PTPRN2: variants seen among roughly 807,000 people sequenced by gnomAD.
PTPRN2 encodes protein tyrosine phosphatase receptor type N2.
PTPRN2 carries 74 observed loss-of-function variants against 118.8 expected under a neutral mutation model. That is an observed-to-expected ratio of 0.62 (90% CI 0.52 to 0.76). The LOEUF (loss-of-function observed/expected upper bound fraction) is 0.76. PTPRN2 is among the 30% of genes least tolerant of loss of function. The probability of loss-of-function intolerance (pLI) is 0.00; values close to 1 mark genes in which losing one functional copy is unlikely to be tolerated. For missense variants in PTPRN2, 1,481 were observed against 1,394.4 expected, an observed-to-expected ratio of 1.06 and a Z score of -0.99; for synonymous variants, 641 against 608.0, an observed-to-expected ratio of 1.05 and a Z score of -0.80.
intron 3 of PTPRN2, among the ~76,000 whole-genome samples, chr7:158,282,750 C>A (rs190823553): frequency 6.8e-6 from 1 of 147,050 alleles, no homozygotes; most frequent in Non-Finnish European, 1.5e-5. Flanking sequence ...CAGACACAGA[C>A]GGCTCATCCC....
chr7:157,947,949 T>C (rs991053926), intron 11 of PTPRN2, among the ~76,000 whole-genome samples: 2 of 152,218 alleles, frequency 1.3e-5, no homozygotes, highest in African/African-American at 4.8e-5. Context: ...TAATTCTGTA[T>C]CAGGCAAAAC....
chr7:158,166,665 C>A (rs750726041), intron 6 of PTPRN2, among the ~76,000 whole-genome samples: 9 of 152,048 alleles, frequency 5.9e-5, no homozygotes, highest in Non-Finnish European at 1.2e-4. Context: ...AGCGCCTTCT[C>A]CATCCCACTG....
chr7:158,085,147 A>C, intron 10 of PTPRN2, among the ~76,000 whole-genome samples: 1 of 90,220 alleles, frequency 1.1e-5, no homozygotes, highest in Non-Finnish European at 2.2e-5. Flanking sequence ...ACACCCATCC[A>C]CACCCTCGAC....
At chr7:158,307,212 T>A (rs1471999868) in intron 3 of PTPRN2, among the ~76,000 whole-genome samples, 1 of 152,118 alleles carries the variant, frequency 6.6e-6, no homozygotes, top group African/African-American at 2.4e-5. Context: ...AAGAACAATG[T>A]CTAAAGAGCT....
intron 11 of PTPRN2, among the ~76,000 whole-genome samples, chr7:158,020,289 G>C (rs530156823): frequency 6.6e-6 from 1 of 152,352 alleles, no homozygotes; most frequent in South Asian, 2.1e-4. Flanking sequence ...CAGGGAGGGT[G>C]GCCTTGTGCA....
intron 13 of PTPRN2, among the ~76,000 whole-genome samples, chr7:157,667,798 A>G (rs1265504223): frequency 6.6e-6 from 1 of 152,234 alleles, no homozygotes; most frequent in Non-Finnish European, 1.5e-5. Context: ...GTCCGCACCC[A>G]GGCGCAGAAA....
intron 12 of PTPRN2, among the ~76,000 whole-genome samples, chr7:157,852,863 CAAAAAAAA>C (rs58298308): frequency 1.9e-5 from 2 of 102,704 alleles, no homozygotes; most frequent in Non-Finnish European, 3.8e-5. Context: ...GCAAGTCTCT[CAAAAAAAA>C]AAAAAAAAAA....
Position 158,312,006 on chromosome 7 carries a change from C to T in PTPRN2, c.277+4813G>A, listed in dbSNP as rs114992744. On this transcript the variant is annotated intron_variant, in intron 3 of 22. Transcript: ENST00000389418. Reference sequence around the variant, plus strand: ...AGACACCCACACACATGCACACACACCTGCACATTCACATGCTCACGTGTA... The same window carrying T: ...AGACACCCACACACATGCACACACATCTGCACATTCACATGCTCACGTGTA... Among the ~76,000 whole-genome samples the T allele has an allele frequency of 3.5e-3, 524 of 151,820 alleles. 2 individuals carry two copies. Among genetic ancestry groups the T allele is most frequent in the African/African-American group, 0.011 (448 of 41,362 alleles).
At chr7:158,138,555 A>G (rs1220715902) in intron 6 of PTPRN2, 40 bp from the exon 7 acceptor site, 2 of 1,582,534 alleles carry the variant, frequency 1.3e-6, no homozygotes, top group Admixed American at 1.7e-5. Flanking sequence ...TTGTGGGTGG[A>G]CGAATGCAAA....
chr7:157,540,681 T>G lies in PTPRN2; in HGVS notation c.*33A>C. 6.8e-7 allele frequency: 1 copy of G among 1,479,126 alleles called. No individual in the cohort carries two copies. Among genetic ancestry groups the G allele is most frequent in the South Asian group, 1.2e-5 (1 of 82,308 alleles). The allele number at this position is 1,479,126 out of a possible 1,614,324, so 91.6% of individuals were successfully genotyped here. ...ATGATTCCTGACAACATCCGTGGGGTGGGGGCTCCCCTGAGGCCCCTGAGG... is the reference window on the plus strand; with the variant it reads ...ATGATTCCTGACAACATCCGTGGGGGGGGGGCTCCCCTGAGGCCCCTGAGG... On this transcript the variant is annotated 3_prime_UTR_variant, in exon 23 of 23. Transcript: ENST00000389418.
intron 2 of PTPRN2, among the ~76,000 whole-genome samples, chr7:158,471,711 A>AAC (rs930937443): frequency 2.7e-5 from 4 of 149,508 alleles, no homozygotes; most frequent in Non-Finnish European, 5.9e-5. Flanking sequence ...CAAACAAACA[A>AAC]AAAAAAAACC....
chr7:158,226,186 T>C, intron 3 of PTPRN2, among the ~76,000 whole-genome samples: 1 of 152,186 alleles, frequency 6.6e-6, no homozygotes, highest in East Asian at 1.9e-4. Flanking sequence ...TTAAAGATAA[T>C]AGGGAGAAGG....
At chr7:157,630,726 T>G (rs909905964) in intron 14 of PTPRN2, among the ~76,000 whole-genome samples, 12 of 152,204 alleles carry the variant, frequency 7.9e-5, no homozygotes, top group African/African-American at 2.7e-4. Flanking sequence ...GGTTTTGGAA[T>G]TCAGCCTCTG....
intron 2 of PTPRN2, among the ~76,000 whole-genome samples, chr7:158,424,483 G>T (rs1489158533): frequency 6.6e-6 from 1 of 152,186 alleles, no homozygotes; most frequent in African/African-American, 2.4e-5. Flanking sequence ...CACCGGAGAT[G>T]AATATTAGTG....
At chr7:158,168,756 T>G (rs1316039788) in intron 5 of PTPRN2, among the ~76,000 whole-genome samples, 1 of 151,866 alleles carries the variant, frequency 6.6e-6, no homozygotes, top group African/African-American at 2.4e-5. Context: ...TTTAGTAAAA[T>G]TCCGTTAAGA....
In PTPRN2 at chr7:157,876,649, G is replaced by A. The variant is rs370790959; in HGVS notation, c.1788+22024C>T. ...CCAGGGTGGCCTTGGGAAGACCAGC[G>A]CCCCCACGTGGGGCTGGGAGAGGCC... On this transcript the variant is annotated intron_variant, in intron 12 of 22. Coordinates refer to ENST00000389418, the MANE Select transcript of PTPRN2 (RefSeq NM_002847.5). Among the ~76,000 whole-genome samples, 15 of 152,292 alleles carry A rather than the reference G, an allele frequency of 9.8e-5. No homozygotes were observed. The East Asian group carries it at 1.4e-3, about 14-fold the overall frequency.
chr7:158,073,940 C>T (rs963000802), intron 11 of PTPRN2, among the ~76,000 whole-genome samples: 2 of 152,148 alleles, frequency 1.3e-5, no homozygotes, highest in South Asian at 2.1e-4. Flanking sequence ...CCAGCAGACG[C>T]GGCTCCCCTG....
At chr7:157,734,819 C>G (rs1254081146) in intron 12 of PTPRN2, among the ~76,000 whole-genome samples, 1 of 152,210 alleles carries the variant, frequency 6.6e-6, no homozygotes, top group East Asian at 1.9e-4. Context: ...GAACCCGGGA[C>G]CAGCAGGGCA....
chr7:157,838,274 A>ATG (rs1808122648), intron 12 of PTPRN2, among the ~76,000 whole-genome samples: 6 of 72,874 alleles, frequency 8.2e-5, no homozygotes, highest in African/African-American at 2.2e-4. Context: ...TCTCCGCCGT[A>ATG]CCTATTCCAG....
Sources: allele counts gnomAD v4.1 joint callset (sites outside exome capture counted in the v4.1 genomes callset), GRCh38; gene constraint gnomAD v4.1.1; transcripts MANE v1.5; gene names NCBI Gene and HGNC (gene_info 2026-07-23, HGNC 2026-07-21).